The following BTBD8 variants were observed in gnomAD, a reference collection of about 807,000 sequenced individuals.
BTBD8 encodes BTB domain containing 8.
BTBD8 carries 110 observed loss-of-function variants against 162.9 expected under a neutral mutation model. The ratio of observed to expected loss-of-function variants is 0.68; its 90% CI spans 0.58 to 0.79. BTBD8 has a LOEUF of 0.79. BTBD8 is among the 30% of genes least tolerant of loss of function. BTBD8 has a pLI of 0.00. For missense variants in BTBD8, 1,905 were observed against 2,085.4 expected, an observed-to-expected ratio of 0.91 and a Z score of 1.68; for synonymous variants, 667 against 716.1, an observed-to-expected ratio of 0.93 and a Z score of 1.10.
chr1:92,101,845 T>C (rs373188033), intron 2 of BTBD8, among the ~76,000 whole-genome samples: 1 of 151,944 alleles, frequency 6.6e-6, no homozygotes. Flanking sequence ...TACAGGTGCA[T>C]GCCACCACAC....
intron 9 of BTBD8, among the ~76,000 whole-genome samples, chr1:92,162,772 T>C (rs968583796): frequency 6.6e-6 from 1 of 152,174 alleles, no homozygotes; most frequent in African/African-American, 2.4e-5. Context: ...TTTCTCAGGC[T>C]CAATTTTTAG....
chr1:92,164,663 G>A (rs1007727078), intron 9 of BTBD8, among the ~76,000 whole-genome samples: 1 of 148,100 alleles, frequency 6.8e-6, no homozygotes, highest in African/African-American at 2.5e-5. Context: ...GGGTGACAGA[G>A]CAAGACCCTG....
intron 4 of BTBD8, 115 bp downstream of exon 4, chr1:92,108,116 G>C: frequency 1.1e-6 from 1 of 947,538 alleles, no homozygotes; most frequent in African/African-American, 1.6e-5. Flanking sequence ...GGCCACAGGG[G>C]TTCCATGAAG....
In BTBD8 at chr1:92,181,377, G is replaced by A. The variant is rs1446567660; in HGVS notation, c.3694G>A (p.Val1232Met). The A allele has an allele frequency of 6.4e-7, 1 of 1,551,658 alleles. No homozygotes were observed. The highest frequency in any genetic ancestry group is 8.7e-7 in the Non-Finnish European group (1 of 1,146,970). ...CCATGAAACTCCAGAAACTCCATTT[G>A]TGGGTCACTGGAATTTGAGTACTGG... ...ESHETPETPF[V>M]GHWNLSTGVL... Residue 1232 changes from valine to methionine, a missense_variant, in exon 17 of 18, where the codon GTG (valine) becomes ATG (methionine). This residue lies in a region of BTBD8 where 1,374 missense variants were observed against 1,442.7 expected (regional missense o/e 0.95). Transcript: ENST00000636805.
intron 12 of BTBD8, 68 bp from the exon 13 acceptor site, chr1:92,171,331 A>G (rs1017730299): frequency 8.5e-7 from 1 of 1,182,054 alleles, no homozygotes; most frequent in African/African-American, 1.6e-5. Context: ...CTGACATACT[A>G]TTTTTCCTTT....
At position 92,177,913 on chromosome 1, in the gene BTBD8, A is replaced by G. The variant is rs558916573; in HGVS notation, c.2441+15A>G. 5 of 1,348,290 alleles carry G rather than the reference A, an allele frequency of 3.7e-6. No individual in the cohort carries two copies. The African/African-American group carries it at 7.3e-5, about 20-fold the overall frequency. 83.5% of individuals were successfully genotyped at this position (1,348,290 alleles called of 1,614,324 possible). A position where few individuals can be genotyped will look rare whatever the true frequency, so the allele number is the denominator to read the frequency against. On this transcript the variant is annotated intron_variant, in intron 15 of 17. Transcript: ENST00000636805. Reference sequence around the variant, plus strand: ...GTAAATAACAGGTAGGTCTTCATTCAGTGTTTTAACCTATCTGTTAGCTTT... The same window carrying G: ...GTAAATAACAGGTAGGTCTTCATTCGGTGTTTTAACCTATCTGTTAGCTTT...
intron 12 of BTBD8, 139 bp from the exon 13 acceptor site, chr1:92,171,260 G>A (rs1428501333): frequency 5.6e-6 from 3 of 536,330 alleles, no homozygotes; most frequent in Non-Finnish European, 9.6e-6. Context: ...GAGTTGTTTT[G>A]TATACTAGAT....
intron 2 of BTBD8, among the ~76,000 whole-genome samples, chr1:92,099,407 T>C (rs530508880): frequency 1.5e-3 from 220 of 151,526 alleles, no homozygotes; most frequent in African/African-American, 5.2e-3. Flanking sequence ...GAGGATTGGC[T>C]TGTCAATTTC....
chr1:92,178,698 G>A (rs72956894), intron 16 of BTBD8, among the ~76,000 whole-genome samples: 2,034 of 152,178 alleles, frequency 0.013, 47 homozygotes, highest in African/African-American at 0.047. Flanking sequence ...TGTCACCCAG[G>A]CTGGAGTACA....
Position 92,126,591 on chromosome 1 carries a change from T to C in BTBD8, c.663-3096T>C, listed in dbSNP as rs115695648. On this transcript the variant is annotated intron_variant, in intron 4 of 17. Transcript: ENST00000636805. Reference sequence around the variant, plus strand: ...TCACAGCTTCTTGTCTGTTTATATATTAAAAGTTGCACTTATTGTACGGTT... The same window carrying C: ...TCACAGCTTCTTGTCTGTTTATATACTAAAAGTTGCACTTATTGTACGGTT... 1,212 of 387,884 alleles carry C rather than the reference T, an allele frequency of 3.1e-3. 14 individuals carry two copies. Among genetic ancestry groups the C allele is most frequent in the Middle Eastern group, 0.011 (17 of 1,526 alleles). 24.0% of individuals were successfully genotyped at this position (387,884 alleles called of 1,614,324 possible).
chr1:92,130,539 T>TACACACACACACACAC (rs59796834), intron 5 of BTBD8, among the ~76,000 whole-genome samples: 24 of 131,192 alleles, frequency 1.8e-4, no homozygotes, highest in African/African-American at 6.5e-4. Flanking sequence ...TATATATATT[T>TACACACACACACACAC]ACACACACAC....
Position 92,181,449 on chromosome 1 carries a change from A to T in BTBD8, c.3766A>T (p.Thr1256Ser), listed in dbSNP as rs1419762663. Residue 1256 changes from threonine to serine, a missense_variant, in exon 17 of 18, where the codon ACC becomes TCC. Thr to Ser is a moderately conservative substitution (Grantham distance 58). This residue lies in a region of BTBD8 where 14 missense variants were observed against 36.1 expected (regional missense o/e 0.39). Transcript: ENST00000636805. ...TCCTGAATCTGACACTGGCAGTGCT[A>T]CCACCTCCTCCGATGACATAAAGCC... ...ESPESDTGSA[T>S]TSSDDIKPRS... The T allele has an allele frequency of 1.3e-6, 2 of 1,551,694 alleles. No individual in the cohort carries two copies. The highest frequency in any genetic ancestry group is 3.9e-5 in the Admixed American group (2 of 51,000).
intron 1 of BTBD8, 117 bp from the exon 2 acceptor site, chr1:92,088,581 C>T: frequency 1.3e-6 from 1 of 782,594 alleles, no homozygotes; most frequent in Non-Finnish European, 1.8e-6. Flanking sequence ...TTTGTATTAA[C>T]TTTATGTTGC....
chr1:92,166,511 G>A (rs1387935717), intron 9 of BTBD8, among the ~76,000 whole-genome samples: 9 of 138,312 alleles, frequency 6.5e-5, no homozygotes, highest in African/African-American at 2.2e-4. Flanking sequence ...TGCAACCTCC[G>A]CCTCCTGAGT....
rs1282439973 is a variant in BTBD8, at chr1:92,181,737, C to T, written c.4054C>T (p.Arg1352Ter). The change falls in exon 17 of 18, where the codon CGA (arginine) becomes TGA (stop). Residue 1352 changes from arginine to a stop codon, truncating the protein, a stop_gained. Transcript: ENST00000636805. LOFTEE classifies it high-confidence loss of function. ...IPRKRPEIWS[R>*]SAIVHSRERE... Reference sequence around the variant, plus strand: ...TAGGAAAAGGCCAGAAATTTGGTCTCGATCTGCAATAGTTCACTCTAGGGA... The same window carrying T: ...TAGGAAAAGGCCAGAAATTTGGTCTTGATCTGCAATAGTTCACTCTAGGGA... 4 of 1,551,324 alleles carry T rather than the reference C, an allele frequency of 2.6e-6. No homozygotes were observed. The Admixed American group carries it at 5.9e-5, about 23-fold the overall frequency.
chr1:92,177,923 CCTAT>C (rs1388096616), intron 15 of BTBD8, 25 bp downstream of exon 15: 1 of 1,204,574 alleles, frequency 8.3e-7, no homozygotes, highest in Non-Finnish European at 1.2e-6. Flanking sequence ...AGTGTTTTAA[CCTAT>C]CTGTTAGCTT....
rs1383912126 is a variant in BTBD8 at position 92,177,021 on chromosome 1, A to G, written c.1828A>G (p.Lys610Glu). 6.5e-7 allele frequency: 1 copy of G among 1,548,886 alleles called. No individual in the cohort carries two copies. The highest frequency in any genetic ancestry group is 8.7e-7 in the Non-Finnish European group (1 of 1,146,082). The change falls in exon 14 of 18, where the codon AAA (lysine) becomes GAA (glutamate). Residue 610 changes from lysine to glutamate, a missense_variant. By Grantham distance (56) the Lys-to-Glu change is moderately conservative. Around this residue, in one of 3 missense-constraint regions of BTBD8, gnomAD observed 1,374 missense variants for 1,442.7 expected, o/e 0.95. Transcript: ENST00000636805. Reference protein sequence around the residue: ...KTLKQDDVKEKDGTKIASKIT... With the variant: ...KTLKQDDVKEEDGTKIASKIT... ...TCTGAAGCAAGATGATGTAAAGGAA[A>G]AAGATGGTACAAAAATAGCATCTAA...
At chr1:92,080,809 C>T in intron 1 of BTBD8, 89 bp downstream of exon 1, 1 of 1,520,654 alleles carries the variant, frequency 6.6e-7, no homozygotes, top group East Asian at 2.5e-5. Context: ...TCTGCCTCCC[C>T]CTCCCTCAGC....
chr1:92,119,884 G>A lies in BTBD8; in HGVS notation c.663-9803G>A, dbSNP rs567754016. On this transcript the variant is annotated intron_variant, in intron 4 of 17. Coordinates refer to ENST00000636805, the MANE Select transcript of BTBD8 (RefSeq NM_001376131.1). Reference sequence around the variant, plus strand: ...ATTACAGGCGTGAGCCACTGCACCCGGCCCTTTTCTTTTTTTTTTTTTTTT... The same window carrying A: ...ATTACAGGCGTGAGCCACTGCACCCAGCCCTTTTCTTTTTTTTTTTTTTTT... Among the ~76,000 whole-genome samples the A allele has an allele frequency of 3.7e-4, 48 of 129,144 alleles. No homozygotes were observed. The East Asian group carries it at 0.011, about 29-fold the overall frequency. 84.7% of individuals were successfully genotyped at this position (129,144 alleles called of 152,430 possible).
Sources: gnomAD v4.1 joint callset for allele counts (sites outside exome capture counted in the v4.1 genomes callset) on GRCh38, gnomAD v4.1.1 for gene constraint, gnomAD v4.1.1 regional missense constraint, MANE v1.5 for transcripts, NCBI Gene and HGNC (gene_info 2026-07-23, HGNC 2026-07-21) for gene names.